The following AKT3 variants were observed in gnomAD, a reference collection of about 807,000 sequenced individuals.
AKT3 encodes the protein RAC-gamma serine/threonine-protein kinase.
Under a neutral mutation model 65.3 loss-of-function variants are expected in AKT3, and 15 were observed. The ratio of observed to expected loss-of-function variants is 0.23; its 90% CI spans 0.15 to 0.35. The LOEUF (loss-of-function observed/expected upper bound fraction) is 0.35. AKT3 is among the 10% of genes least tolerant of loss of function. The probability of loss-of-function intolerance (pLI) is 1.00; values close to 1 mark genes in which losing one functional copy is unlikely to be tolerated. For synonymous variants in AKT3, 206 were observed against 183.8 expected, an observed-to-expected ratio of 1.12 and a Z score of -0.98; for missense variants, 243 against 576.5, an observed-to-expected ratio of 0.42 and a Z score of 5.92.
intron 12 of AKT3, among the ~76,000 whole-genome samples, chr1:243,516,816 A>C (rs1249379223): frequency 1.3e-5 from 2 of 152,192 alleles, no homozygotes; most frequent in Non-Finnish European, 2.9e-5. Flanking sequence ...TGTTGTGCAG[A>C]CTAGTCTCGA....
intron 8 of AKT3, chr1:243,612,968 G>T (rs936001559): frequency 2.7e-5 from 4 of 149,438 alleles, no homozygotes; most frequent in African/African-American, 9.9e-5. Context: ...GAACCCGGGA[G>T]GCAGAGGTGG....
At chr1:243,692,651 T>G (rs540159555) in intron 3 of AKT3, among the ~76,000 whole-genome samples, 1 of 151,900 alleles carries the variant, frequency 6.6e-6, no homozygotes, top group African/African-American at 2.4e-5. Flanking sequence ...GGCAGGAGAA[T>G]CACTTGAACC....
rs532738991 is a variant in AKT3, at chr1:243,832,406, TTAAA to T, written c.46+10715_46+10718del. Among the ~76,000 whole-genome samples the T allele has an allele frequency of 2.0e-3, 299 of 152,260 alleles. 2 individuals are homozygous for T. The highest frequency in any genetic ancestry group is 0.01 in the East Asian group (53 of 5,186). ...TACAGCAGTATGTGAATCATGAAGC[TTAAA>T]TAAATTTGTGTATCTATACATTAAA... On this transcript the variant is annotated intron_variant, in intron 2 of 13. Coordinates refer to ENST00000673466, the MANE Select transcript of AKT3 (RefSeq NM_005465.7).
intron 8 of AKT3, among the ~76,000 whole-genome samples, chr1:243,591,378 AC>A (rs1676214331): frequency 6.6e-6 from 1 of 152,260 alleles, no homozygotes; most frequent in Non-Finnish European, 1.5e-5. Context: ...GATATTCCAG[AC>A]CAGTCTTACT....
At chr1:243,636,498 C>A (rs1466020656) in intron 6 of AKT3, among the ~76,000 whole-genome samples, 1 of 151,974 alleles carries the variant, frequency 6.6e-6, no homozygotes, top group Non-Finnish European at 1.5e-5. Flanking sequence ...ATGCTAAATA[C>A]CTTACATATC....
intron 2 of AKT3, among the ~76,000 whole-genome samples, chr1:243,837,777 A>G (rs1694985936): frequency 6.6e-6 from 1 of 152,192 alleles, no homozygotes; most frequent in Non-Finnish European, 1.5e-5. Flanking sequence ...AGGAACAGCT[A>G]ATGTGATACT....
In AKT3 at chr1:243,503,872, T is replaced by A. The variant is rs2148342525; in HGVS notation, c.*1377A>T. The stretch of plus-strand genomic sequence containing the variant: ...AGATCATTTCTTATCTTCACTCAGG[T>A]CTCAATTTTCTTCATTACTTTTTGT... On this transcript the variant is annotated 3_prime_UTR_variant, in exon 14 of 14. Coordinates refer to ENST00000673466, the MANE Select transcript of AKT3 (RefSeq NM_005465.7). 1 of 228,458 alleles carries A rather than the reference T, an allele frequency of 4.4e-6. No homozygotes were observed. The highest frequency in any genetic ancestry group is 6.3e-5 in the East Asian group (1 of 15,822). 14.2% of individuals were successfully genotyped at this position (228,458 alleles called of 1,614,324 possible). A position where few individuals can be genotyped will look rare whatever the true frequency, so the allele number is the denominator to read the frequency against.
At chr1:243,724,242 G>C (rs1572232240) in intron 2 of AKT3, among the ~76,000 whole-genome samples, 1 of 147,558 alleles carries the variant, frequency 6.8e-6, no homozygotes, top group African/African-American at 2.5e-5. Flanking sequence ...GAAAAATTGA[G>C]GGGAAAAAAA....
At chr1:243,851,074 C>G (rs1199753504), upstream of AKT3, 1 of 152,412 alleles carries the variant, frequency 6.6e-6, no homozygotes, top group Non-Finnish European at 1.5e-5. Flanking sequence ...GTGGGCGGTG[C>G]CCAATGAGGT....
At chr1:243,583,098 ATATCTC>A (rs1399628084) in intron 8 of AKT3, among the ~76,000 whole-genome samples, 1 of 147,882 alleles carries the variant, frequency 6.8e-6, no homozygotes, top group Non-Finnish European at 1.5e-5. Flanking sequence ...ATATATATAT[ATATCTC>A]TCTCTCTCTT....
rs138924303 is a variant in AKT3, at chr1:243,701,287, C to T, written c.47-5571G>A. On this transcript the variant is annotated intron_variant, in intron 2 of 13. Coordinates refer to ENST00000673466, the MANE Select transcript of AKT3 (RefSeq NM_005465.7). ...TTCAGAAATAATTCAGCCTTGTGAC[C>T]TCACAAATAGATCATGTTGATGAAT... 3.3e-5 allele frequency among the ~76,000 whole-genome samples: 5 copies of T among 152,234 alleles called. No individual in the cohort carries two copies. In the East Asian group the frequency reaches 9.7e-4, roughly 29 times the overall value.
At chr1:243,707,887 G>C (rs554565717) in intron 2 of AKT3, among the ~76,000 whole-genome samples, 2 of 152,110 alleles carry the variant, frequency 1.3e-5, no homozygotes, top group Non-Finnish European at 2.9e-5. Flanking sequence ...CATAGCCACT[G>C]CATATACAGC....
At chr1:243,687,759 T>C (rs948347603) in intron 3 of AKT3, 9 of 152,212 alleles carry the variant, frequency 5.9e-5, no homozygotes, top group Admixed American at 5.2e-4. Flanking sequence ...TGTTACATTA[T>C]AGTTTTCTTA....
At chr1:243,554,758 G>C (rs1156266322) in intron 10 of AKT3, among the ~76,000 whole-genome samples, 1 of 151,782 alleles carries the variant, frequency 6.6e-6, no homozygotes, top group Non-Finnish European at 1.5e-5. Context: ...TATACGAAAA[G>C]GAGCCAAATG....
At chr1:243,731,566 G>C (rs771834180) in intron 2 of AKT3, among the ~76,000 whole-genome samples, 1 of 152,194 alleles carries the variant, frequency 6.6e-6, no homozygotes, top group Non-Finnish European at 1.5e-5. Context: ...AATCAATAGA[G>C]AGATTATTTT....
chr1:243,489,095 GGA>G lies in AKT3; in HGVS notation c.*7-647_*7-646del, dbSNP rs765785386. On this transcript the variant is annotated intron_variant, in intron 13 of 13. Transcript: ENST00000336199. ...TCAGCAAGCAGAACCAGCTTCTCCT[GGA>G]GAGGCAGAGCCTGTCGGAAGAGGTG... The G allele has an allele frequency of 5.6e-6, 9 of 1,613,168 alleles. No individual in the cohort carries two copies. The highest frequency in any genetic ancestry group is 3.3e-5 in the Admixed American group (2 of 59,990).
chr1:243,693,162 C>T (rs748033313), intron 3 of AKT3, among the ~76,000 whole-genome samples: 1 of 141,824 alleles, frequency 7.1e-6, no homozygotes, highest in African/African-American at 2.6e-5. Context: ...TCATTAAAAC[C>T]CATATTGATT....
At chr1:243,745,215 G>A (rs973507475) in intron 2 of AKT3, among the ~76,000 whole-genome samples, 2 of 151,884 alleles carry the variant, frequency 1.3e-5, no homozygotes, top group Non-Finnish European at 2.9e-5. Context: ...GTGTGCACCT[G>A]TACAGTCCCA....
chr1:243,523,081 G>T (rs564435124), intron 12 of AKT3, among the ~76,000 whole-genome samples: 2 of 152,142 alleles, frequency 1.3e-5, no homozygotes, highest in East Asian at 1.9e-4. Flanking sequence ...GAGGCATAGG[G>T]GCAGGCAGCA....
Sources: gnomAD v4.1 joint callset for allele counts (sites outside exome capture counted in the v4.1 genomes callset) on GRCh38, gnomAD v4.1.1 for gene constraint, MANE v1.5 for transcripts, NCBI Gene and HGNC (gene_info 2026-07-23, HGNC 2026-07-21) for gene names.